CWC27: variants seen among roughly 807,000 people sequenced by gnomAD.
CWC27 encodes the protein CWC27 spliceosome associated cyclophilin, also known as spliceosome-associated protein CWC27 homolog.
In CWC27, 47 loss-of-function variants were observed where a neutral mutation model predicts 63.6. That is an observed-to-expected ratio of 0.74 (90% CI 0.58 to 0.94). The LOEUF is 0.94. Among genes scored for constraint, CWC27 ranks in the 40% least tolerant of loss-of-function variants. The probability of loss-of-function intolerance (pLI) is 0.00; values close to 1 mark genes in which losing one functional copy is unlikely to be tolerated. For missense variants in CWC27, 495 were observed against 554.3 expected (o/e 0.89, Z 1.07); for synonymous variants, 175 against 179.8 (o/e 0.97, Z 0.22).
At chr5:64,809,167 A>G (rs1268386424) in intron 10 of CWC27, among the ~76,000 whole-genome samples, 1 of 152,162 alleles carries the variant, frequency 6.6e-6, no homozygotes, top group East Asian at 1.9e-4. Flanking sequence ...TTAATTGACA[A>G]ATAGTAATTG....
chr5:64,963,673 G>A (rs942200119), intron 11 of CWC27, among the ~76,000 whole-genome samples: 23 of 152,312 alleles, frequency 1.5e-4, no homozygotes, highest in Admixed American at 1.0e-3. Flanking sequence ...TTGAGTTACA[G>A]TTTCCATGCA....
chr5:64,811,297 C>T (rs1744870568), intron 10 of CWC27, among the ~76,000 whole-genome samples: 1 of 151,988 alleles, frequency 6.6e-6, no homozygotes, highest in African/African-American at 2.4e-5. Flanking sequence ...TTTTTAGCAT[C>T]TGTATATTGA....
At chr5:64,940,442 C>A (rs1278120423) in intron 11 of CWC27, among the ~76,000 whole-genome samples, 1 of 152,142 alleles carries the variant, frequency 6.6e-6, no homozygotes, top group East Asian at 1.9e-4. Flanking sequence ...GTGGGCTGCA[C>A]CCACTGTCTA....
At chr5:64,878,656 A>G (rs775055511) in intron 10 of CWC27, among the ~76,000 whole-genome samples, 1 of 151,686 alleles carries the variant, frequency 6.6e-6, no homozygotes, top group Non-Finnish European at 1.5e-5. Flanking sequence ...CACTTTTTCC[A>G]TGAAGGCTTA....
intron 13 of CWC27, among the ~76,000 whole-genome samples, chr5:64,981,256 A>G (rs1561178524): frequency 6.6e-6 from 1 of 152,216 alleles, no homozygotes; most frequent in East Asian, 1.9e-4. Context: ...GTAAAAGTAT[A>G]TTTTTATACA....
rs1007901233 is a variant in CWC27, at chr5:64,934,722, G to A, written c.1043-36981G>A. Among the ~76,000 whole-genome samples the A allele has an allele frequency of 3.9e-5, 6 of 152,194 alleles. 1 individual carries two copies. Among genetic ancestry groups the A allele is most frequent in the Admixed American group, 3.9e-4 (6 of 15,280 alleles). ...GAACTAATCTACACTCCCACCAACA[G>A]TGTAAAAGCATTCGTAATTCTCCAC... is the stretch of plus-strand genomic sequence containing the variant. On this transcript the variant is annotated intron_variant, in intron 11 of 13. Coordinates refer to ENST00000381070, the MANE Select transcript of CWC27 (RefSeq NM_005869.4).
intron 1 of CWC27, among the ~76,000 whole-genome samples, chr5:64,769,564 G>A (rs1743166281): frequency 6.6e-6 from 1 of 152,154 alleles, no homozygotes; most frequent in Non-Finnish European, 1.5e-5. Flanking sequence ...ACGCCTGCGA[G>A]GCACTGGGCA....
chr5:64,928,680 A>G (rs975259040), intron 11 of CWC27, among the ~76,000 whole-genome samples: 2 of 152,178 alleles, frequency 1.3e-5, no homozygotes, highest in Admixed American at 6.5e-5. Context: ...CAGCATAGAG[A>G]AGAGGTAGAA....
intron 13 of CWC27, among the ~76,000 whole-genome samples, chr5:64,998,303 T>G (rs1452632639): frequency 6.6e-6 from 1 of 152,112 alleles, no homozygotes; most frequent in Non-Finnish European, 1.5e-5. Context: ...GTTCTGTTAG[T>G]CTACTGGCTG....
intron 11 of CWC27, among the ~76,000 whole-genome samples, chr5:64,918,140 A>G (rs1211285958): frequency 6.6e-6 from 1 of 152,150 alleles, no homozygotes; most frequent in Non-Finnish European, 1.5e-5. Context: ...ACACCCCCCA[A>G]AAATATATTA....
intron 10 of CWC27, among the ~76,000 whole-genome samples, chr5:64,862,119 A>G (rs1221100301): frequency 6.6e-6 from 1 of 152,182 alleles, no homozygotes; most frequent in African/African-American, 2.4e-5. Context: ...TTAAGTCACA[A>G]ATGAATATAT....
intron 10 of CWC27, among the ~76,000 whole-genome samples, chr5:64,835,149 C>T (rs1745628552): frequency 6.6e-6 from 1 of 151,696 alleles, no homozygotes; most frequent in African/African-American, 2.4e-5. Context: ...ATTTCAGGCA[C>T]ATAATAGACT....
At chr5:64,997,915 G>A (rs1400814562) in intron 13 of CWC27, among the ~76,000 whole-genome samples, 2 of 152,126 alleles carry the variant, frequency 1.3e-5, no homozygotes, top group Non-Finnish European at 2.9e-5. Context: ...GAAGGAATAT[G>A]ATTATAGACC....
chr5:64,927,107 T>C (rs761840738), intron 11 of CWC27, among the ~76,000 whole-genome samples: 5 of 152,198 alleles, frequency 3.3e-5, no homozygotes, highest in Non-Finnish European at 5.9e-5. Context: ...TGTATTATTA[T>C]TTGTGACTTT....
chr5:64,826,640 T>C (rs887969936), intron 10 of CWC27, among the ~76,000 whole-genome samples: 1 of 152,106 alleles, frequency 6.6e-6, no homozygotes, highest in African/African-American at 2.4e-5. Context: ...AGTTCTGACT[T>C]TATAGTTCAC....
intron 13 of CWC27, among the ~76,000 whole-genome samples, chr5:64,990,591 C>T (rs965598859): frequency 2.6e-5 from 4 of 152,148 alleles, no homozygotes; most frequent in Non-Finnish European, 4.4e-5. Flanking sequence ...AGATGTCATC[C>T]TTAATTCAGA....
At chr5:64,915,214 G>A (rs911954370) in intron 11 of CWC27, among the ~76,000 whole-genome samples, 5 of 152,082 alleles carry the variant, frequency 3.3e-5, no homozygotes, top group Non-Finnish European at 5.9e-5. Flanking sequence ...CTGACTTGGT[G>A]TTCAAATACT....
At chr5:64,858,343 T>C (rs965088063) in intron 10 of CWC27, among the ~76,000 whole-genome samples, 1 of 148,118 alleles carries the variant, frequency 6.8e-6, no homozygotes, top group African/African-American at 2.5e-5. Flanking sequence ...ACGCCTGTAG[T>C]CCCAGCTACT....
intron 11 of CWC27, among the ~76,000 whole-genome samples, chr5:64,894,367 T>G (rs1056554371): frequency 6.6e-6 from 1 of 152,232 alleles, no homozygotes; most frequent in African/African-American, 2.4e-5. Flanking sequence ...TTTTTCAATG[T>G]GATCCAACCT....
Sources: allele counts gnomAD v4.1 joint callset (sites outside exome capture counted in the v4.1 genomes callset), GRCh38; gene constraint gnomAD v4.1.1; transcripts MANE v1.5; gene names NCBI Gene and HGNC (gene_info 2026-07-23, HGNC 2026-07-21).